The following AGAP1 variants were observed in gnomAD, a reference collection of about 807,000 sequenced individuals.
AGAP1 encodes ArfGAP with GTPase domain, ankyrin repeat and PH domain 1, also known as arf-GAP with GTPase, ANK repeat and PH domain-containing protein 1.
AGAP1 carries 29 observed loss-of-function variants against 105.3 expected under a neutral mutation model. That is an observed-to-expected ratio of 0.28 (90% CI 0.21 to 0.38). AGAP1 has a LOEUF of 0.38. Ranked by LOEUF, AGAP1 falls within the 10% of genes least tolerant of loss-of-function variation. AGAP1 has a pLI of 1.00. For missense variants in AGAP1, 998 were observed against 1,165.1 expected, an observed-to-expected ratio of 0.86 and a Z score of 2.09; for synonymous variants, 509 against 485.9, an observed-to-expected ratio of 1.05 and a Z score of -0.63.
chr2:235,532,149 C>T (rs1010614841), intron 1 of AGAP1, among the ~76,000 whole-genome samples: 2 of 152,152 alleles, frequency 1.3e-5, no homozygotes, highest in African/African-American at 2.4e-5. Context: ...AAAACAGTTG[C>T]CTATAATTCT....
chr2:235,569,589 C>G lies in AGAP1; in HGVS notation c.163+74740C>G, dbSNP rs546026326. ...TGAGCATGGTCTGTGAGCAAACCTT[C>G]CTGTGGATAGGTTTGGAGGATTCGA... On this transcript the variant is annotated intron_variant, in intron 1 of 17. Transcript: ENST00000304032. The surrounding 1 kb of genome is among the most constrained non-coding windows in gnomAD (Gnocchi z 5.9). Among the ~76,000 whole-genome samples the G allele has an allele frequency of 1.5e-4, 23 of 152,168 alleles. No homozygotes were observed.
rs2048555589 is a variant in AGAP1 at position 235,853,265 on chromosome 2, C to T, written c.1051-30080C>T. 7.2e-6 allele frequency: 7 copies of T among 975,224 alleles called. No individual in the cohort carries two copies. The East Asian group carries it at 6.6e-4, about 92-fold the overall frequency. 60.4% of individuals were successfully genotyped at this position (975,224 alleles called of 1,614,324 possible). The stretch of plus-strand genomic sequence containing the variant: ...GAGAAAAACGGGGTAAAATGGCTCC[C>T]CCTACTCTGCTTCAAGATTTGAAAT... On this transcript the variant is annotated intron_variant, in intron 9 of 17. Coordinates refer to ENST00000304032, the MANE Select transcript of AGAP1 (RefSeq NM_001037131.3).
intron 12 of AGAP1, among the ~76,000 whole-genome samples, chr2:235,948,174 T>TCTTG (rs1318184593): frequency 6.6e-6 from 1 of 152,126 alleles, no homozygotes; most frequent in Non-Finnish European, 1.5e-5. Context: ...CTGGGGTTTT[T>TCTTG]TTTGTTTGTT....
At chr2:235,807,689 C>T (rs568392768) in intron 9 of AGAP1, among the ~76,000 whole-genome samples, 1 of 152,192 alleles carries the variant, frequency 6.6e-6, no homozygotes, top group African/African-American at 2.4e-5. Context: ...CTTGTGATCA[C>T]AGGAACAGCC....
Position 235,993,915 on chromosome 2 carries a change from C to T in AGAP1, c.1645+25292C>T, listed in dbSNP as rs2055678677. Among the ~76,000 whole-genome samples, 1 of 152,068 alleles carries T rather than the reference C, an allele frequency of 6.6e-6. No homozygotes were observed. The highest frequency in any genetic ancestry group is 2.4e-5 in the African/African-American group (1 of 41,400). On this transcript the variant is annotated intron_variant, in intron 13 of 17. Coordinates refer to ENST00000304032, the MANE Select transcript of AGAP1 (RefSeq NM_001037131.3). The surrounding 1 kb of genome is among the most constrained non-coding windows in gnomAD (Gnocchi z 5.0). ...TTCTGATTTGGGAAAAGTCTGTGAG[C>T]AAATGGGATTTTACTAATATGAAAA... is the stretch of plus-strand genomic sequence containing the variant.
chr2:235,851,875 G>T (rs562853717), intron 9 of AGAP1, among the ~76,000 whole-genome samples: 3 of 152,132 alleles, frequency 2.0e-5, no homozygotes, highest in African/African-American at 7.2e-5. Context: ...TAATTTTGGC[G>T]ACAAGCAGTA....
chr2:235,932,921 C>T (rs2052793845), intron 12 of AGAP1, among the ~76,000 whole-genome samples: 1 of 152,186 alleles, frequency 6.6e-6, no homozygotes, highest in South Asian at 2.1e-4. Context: ...AAGTCGCCTA[C>T]GTTTGAATGC....
Position 236,096,860 on chromosome 2 carries a change from G to T in AGAP1, c.2115-23332G>T, listed in dbSNP as rs1419718516. Among the ~76,000 whole-genome samples, 1 of 152,142 alleles carries T rather than the reference G, an allele frequency of 6.6e-6. No homozygotes were observed. Among genetic ancestry groups the T allele is most frequent in the East Asian group, 1.9e-4 (1 of 5,172 alleles). On this transcript the variant is annotated intron_variant, in intron 16 of 17. Transcript: ENST00000304032. This position sits in a 1 kb window ranked among gnomAD's most constrained non-coding sequence, Gnocchi z 4.4. ...CTCCCAAAGTGCTGGGATTACAGGC[G>T]TGAGCCACCCTGCCGGGCCAAATGA...
chr2:235,923,595 G>A (rs1334140311), intron 11 of AGAP1, among the ~76,000 whole-genome samples: 1 of 151,000 alleles, frequency 6.6e-6, no homozygotes, highest in Admixed American at 6.6e-5. Context: ...CCTTGGACGG[G>A]ATCCTAACAG....
chr2:235,917,802 A>G (rs2051971679), intron 11 of AGAP1, among the ~76,000 whole-genome samples: 1 of 152,186 alleles, frequency 6.6e-6, no homozygotes, highest in South Asian at 2.1e-4. Flanking sequence ...GCTGTGCAGA[A>G]TGGCAGCTCA....
chr2:235,854,206 C>T (rs573424939), intron 9 of AGAP1, among the ~76,000 whole-genome samples: 1 of 152,136 alleles, frequency 6.6e-6, no homozygotes, highest in Non-Finnish European at 1.5e-5. Context: ...ATTTGAAAAC[C>T]GGTGATCAAG....
At chr2:235,503,725 G>C (rs1480037763) in intron 1 of AGAP1, among the ~76,000 whole-genome samples, 1 of 152,160 alleles carries the variant, frequency 6.6e-6, no homozygotes, top group Non-Finnish European at 1.5e-5. Context: ...CCCCCGCCAA[G>C]TAGCTGGGAC....
Position 235,976,474 on chromosome 2 carries a change from C to T in AGAP1, c.1645+7851C>T, listed in dbSNP as rs544577112. On this transcript the variant is annotated intron_variant, in intron 13 of 17. Transcript: ENST00000304032. The surrounding 1 kb of genome is among the most constrained non-coding windows in gnomAD (Gnocchi z 4.5). ...TCGATCACAGCAGGGGCAGCCAGAA[C>T]GGAAGATTCCCATCGTGATGAACCG... Among the ~76,000 whole-genome samples the T allele has an allele frequency of 2.0e-5, 3 of 152,302 alleles. No homozygotes were observed. The highest frequency in any genetic ancestry group is 2.1e-4 in the South Asian group (1 of 4,822).
Position 236,029,183 on chromosome 2 carries a change from G to GTTT in AGAP1, c.1646-7368_1646-7366dup, listed in dbSNP as rs749576640. ...TCATAGTCGGTATTGTTTTTATTTA[G>GTTT]TTTTTTTTTTTTGTTTACATATTTA... On this transcript the variant is annotated intron_variant, in intron 13 of 17. Transcript: ENST00000304032. Among the ~76,000 whole-genome samples, 139 of 144,398 alleles carry GTTT rather than the reference G, an allele frequency of 9.6e-4. No individual in the cohort carries two copies. The Middle Eastern group carries it at 0.011, about 11-fold the overall frequency. 94.7% of individuals were successfully genotyped at this position (144,398 alleles called of 152,430 possible).
At chr2:235,999,870 T>C (rs2056037444) in intron 13 of AGAP1, among the ~76,000 whole-genome samples, 1 of 152,088 alleles carries the variant, frequency 6.6e-6, no homozygotes, top group Admixed American at 6.5e-5. Flanking sequence ...TGACTTCCAT[T>C]CATTAAACTT....
chr2:235,681,325 C>G (rs1485154615), intron 1 of AGAP1, among the ~76,000 whole-genome samples: 4 of 152,102 alleles, frequency 2.6e-5, no homozygotes, highest in Non-Finnish European at 5.9e-5. Context: ...GCCCTTTTGA[C>G]ACACTCTATG....
rs1353941024 is a variant in AGAP1, at chr2:235,720,059, A to T, written c.310+2415A>T. Among the ~76,000 whole-genome samples, 1 of 152,180 alleles carries T rather than the reference A, an allele frequency of 6.6e-6. No individual in the cohort carries two copies. Among genetic ancestry groups the T allele is most frequent in the African/African-American group, 2.4e-5 (1 of 41,442 alleles). On this transcript the variant is annotated intron_variant, in intron 3 of 17. Coordinates refer to ENST00000304032, the MANE Select transcript of AGAP1 (RefSeq NM_001037131.3). The surrounding 1 kb of genome is among the most constrained non-coding windows in gnomAD (Gnocchi z 5.0). ...TCCTGTTCATGTGACTGTGTGCCTC[A>T]TGACAGTGGCAGGAGGGAGCCATAA...
intron 4 of AGAP1, among the ~76,000 whole-genome samples, chr2:235,743,195 G>A (rs1332896770): frequency 6.6e-6 from 1 of 152,180 alleles, no homozygotes; most frequent in Non-Finnish European, 1.5e-5. Flanking sequence ...CATAGTTTCA[G>A]TTTTCTGATG....
At chr2:235,594,993 G>T (rs55864548) in intron 1 of AGAP1, among the ~76,000 whole-genome samples, 46 of 151,540 alleles carry the variant, frequency 3.0e-4, no homozygotes, top group African/African-American at 9.2e-4. Flanking sequence ...GCACCAGGCT[G>T]GCACTGGCAA....
Sources: allele counts gnomAD v4.1 joint callset (sites outside exome capture counted in the v4.1 genomes callset), GRCh38; gene constraint gnomAD v4.1.1; non-coding constraint Gnocchi (gnomAD v3.1); transcripts MANE v1.5; gene names NCBI Gene and HGNC (gene_info 2026-07-23, HGNC 2026-07-21).